MCM9: variants seen among roughly 807,000 people sequenced by gnomAD.
MCM9 encodes the protein minichromosome maintenance 9 homologous recombination repair factor, also known as DNA helicase MCM9.
MCM9 carries 55 observed loss-of-function variants against 72.8 expected under a neutral mutation model. That is an observed-to-expected ratio of 0.76 (90% CI 0.61 to 0.95). The LOEUF (loss-of-function observed/expected upper bound fraction) is 0.95. MCM9 is among the 40% of genes least tolerant of loss of function. The probability of loss-of-function intolerance (pLI) is 0.00; values close to 1 mark genes in which losing one functional copy is unlikely to be tolerated. For synonymous variants in MCM9, 480 were observed against 503.4 expected (o/e 0.95, Z 0.62); for missense variants, 1,279 against 1,377.0 (o/e 0.93, Z 1.13).
At chr6:118,878,441 A>G (rs1778078370) in intron 8 of MCM9, among the ~76,000 whole-genome samples, 1 of 152,242 alleles carries the variant, frequency 6.6e-6, no homozygotes, top group Non-Finnish European at 1.5e-5. Context: ...GAAAGACAGC[A>G]TAACTGTAAC....
Position 118,815,047 on chromosome 6 carries a change from T to C in MCM9, c.3209A>G (p.Lys1070Arg). The change falls in exon 14 of 14, where the codon AAA (lysine) becomes AGA (arginine). Residue 1070 changes from lysine to arginine, a missense_variant. Transcript: ENST00000619706. ...NFCFTPPSES[K>R]SKSPPPERKN... ...CCTTTCAGGAGGAGGGGATTTTGAT[T>C]TGGATTCCGATGGGGGAGTAAAGCA... The C allele has an allele frequency of 6.4e-7, 1 of 1,550,396 alleles. No individual in the cohort carries two copies. The highest frequency in any genetic ancestry group is 1.2e-5 in the South Asian group (1 of 84,020).
intron 8 of MCM9, among the ~76,000 whole-genome samples, chr6:118,898,016 A>G (rs1779552230): frequency 6.6e-6 from 1 of 152,174 alleles, no homozygotes; most frequent in South Asian, 2.1e-4. Flanking sequence ...CTGCAAATAA[A>G]TTCCCTTATT....
Position 118,907,951 on chromosome 6 carries a change from C to G in MCM9, c.1150+3699G>C, listed in dbSNP as rs565738786. 3.3e-5 allele frequency: 6 copies of G among 184,592 alleles called. No individual in the cohort carries two copies. In the South Asian group the frequency reaches 7.9e-4, roughly 24 times the overall value. The allele number at this position is 184,592 out of a possible 1,614,324, so 11.4% of individuals were successfully genotyped here. On this transcript the variant is annotated intron_variant, in intron 8 of 13. Transcript: ENST00000619706. Reference sequence around the variant, plus strand: ...TGTAAAGATGTCTTGGCCTCCCAGACAGTCTTTGGACCACTATTTTACTGG... The same window carrying G: ...TGTAAAGATGTCTTGGCCTCCCAGAGAGTCTTTGGACCACTATTTTACTGG...
intron 10 of MCM9, 79 bp from the exon 11 acceptor site, chr6:118,828,209 G>A: frequency 8.8e-7 from 1 of 1,138,542 alleles, no homozygotes; most frequent in South Asian, 1.6e-5. Flanking sequence ...TAAAGTTCTG[G>A]TACTCATTTG....
At chr6:118,835,259 A>G (rs988413716) in intron 9 of MCM9, among the ~76,000 whole-genome samples, 4 of 152,140 alleles carry the variant, frequency 2.6e-5, no homozygotes, top group African/African-American at 9.7e-5. Context: ...GTAGCCTTGT[A>G]GTCTAGTTTG....
At chr6:118,843,837 A>G (rs1775676886) in intron 9 of MCM9, among the ~76,000 whole-genome samples, 1 of 150,630 alleles carries the variant, frequency 6.6e-6, no homozygotes. Flanking sequence ...CTGCTTCACA[A>G]ATCAGCCAAA....
chr6:118,818,790 C>T (rs1455714898), intron 13 of MCM9, among the ~76,000 whole-genome samples: 1 of 152,138 alleles, frequency 6.6e-6, no homozygotes, highest in Non-Finnish European at 1.5e-5. Context: ...TGTTTGTATC[C>T]TCTCTTATTT....
intron 13 of MCM9, among the ~76,000 whole-genome samples, chr6:118,823,932 T>C (rs1396036573): frequency 6.6e-6 from 1 of 151,262 alleles, no homozygotes; most frequent in African/African-American, 2.4e-5. Context: ...AATAAAAACA[T>C]GCATTACCTT....
chr6:118,829,008 TC>T, intron 10 of MCM9, 39 bp downstream of exon 10: 1 of 1,529,542 alleles, frequency 6.5e-7, no homozygotes. Context: ...TTACAGCTAA[TC>T]TCTCTGTTAT....
At chr6:118,882,625 G>A (rs1179498057) in intron 8 of MCM9, among the ~76,000 whole-genome samples, 1 of 152,194 alleles carries the variant, frequency 6.6e-6, no homozygotes, top group Non-Finnish European at 1.5e-5. Flanking sequence ...TACCAGCCGA[G>A]TATGATACCA....
Position 118,856,425 on chromosome 6 carries a change from C to T in MCM9, c.1271G>A (p.Arg424Lys). The T allele has an allele frequency of 2.0e-6, 3 of 1,535,608 alleles. No homozygotes were observed. Among genetic ancestry groups the T allele is most frequent in the Non-Finnish European group, 2.6e-6 (3 of 1,146,866 alleles). Residue 424 changes from arginine (R) to lysine (K), a missense_variant, in exon 9 of 14, where the codon AGG (arginine) becomes AAG (lysine). By Grantham distance (26) the Arg-to-Lys change is conservative. Transcript: ENST00000619706. ...DEFNSLKEHD[R>K]TSIHEAMEQQ... ...CTCCATTGCTTCATGGATACTGGTC[C>T]TATCATGCTCTTTGAGGCTATTGAA...
chr6:118,891,796 T>C (rs1479602684), intron 8 of MCM9, among the ~76,000 whole-genome samples: 2 of 152,232 alleles, frequency 1.3e-5, no homozygotes, highest in Non-Finnish European at 2.9e-5. Context: ...TTAGGCTTTG[T>C]TCTGTTCATC....
intron 8 of MCM9, among the ~76,000 whole-genome samples, chr6:118,895,376 G>A (rs894024391): frequency 7.2e-5 from 11 of 152,196 alleles, no homozygotes; most frequent in Non-Finnish European, 1.3e-4. Flanking sequence ...GAGGTAGGAA[G>A]TTACATTTAA....
At position 118,871,086 on chromosome 6, in the gene MCM9, G is replaced by T. The variant is rs936577739; in HGVS notation, c.1151-14541C>A. On this transcript the variant is annotated intron_variant, in intron 8 of 13. Coordinates refer to ENST00000619706, the MANE Select transcript of MCM9 (RefSeq NM_017696.3). ...AAAAACTAGAGAGAAAGAGAATTCC[G>T]AACTCATCTTTTGAGGCCAATATCA... Among the ~76,000 whole-genome samples, 3 of 151,924 alleles carry T rather than the reference G, an allele frequency of 2.0e-5. No homozygotes were observed. The East Asian group carries it at 5.8e-4, about 29-fold the overall frequency.
At chr6:118,889,000 G>A (rs1778782325) in intron 8 of MCM9, among the ~76,000 whole-genome samples, 1 of 152,132 alleles carries the variant, frequency 6.6e-6, no homozygotes, top group Admixed American at 6.5e-5. Flanking sequence ...AATTGATTGT[G>A]ATGATGGTTG....
At chr6:118,854,662 T>C (rs958228542) in intron 9 of MCM9, among the ~76,000 whole-genome samples, 2 of 152,258 alleles carry the variant, frequency 1.3e-5, no homozygotes, top group Non-Finnish European at 2.9e-5. Flanking sequence ...CTCATGTAGG[T>C]TTTCATAGAT....
chr6:118,854,687 G>A (rs945477933), intron 9 of MCM9, among the ~76,000 whole-genome samples: 1 of 152,168 alleles, frequency 6.6e-6, no homozygotes, highest in African/African-American at 2.4e-5. Flanking sequence ...TTTAAACAGG[G>A]AAAGAAACTT....
At chr6:118,830,217 C>T (rs776433732) in intron 9 of MCM9, among the ~76,000 whole-genome samples, 2 of 152,138 alleles carry the variant, frequency 1.3e-5, no homozygotes, top group African/African-American at 2.4e-5. Flanking sequence ...GTATGCTGTG[C>T]ACTTGATGCC....
intron 8 of MCM9, among the ~76,000 whole-genome samples, chr6:118,864,606 G>A (rs1384401697): frequency 6.6e-6 from 1 of 152,030 alleles, no homozygotes; most frequent in African/African-American, 2.4e-5. Context: ...TGAGGCATAG[G>A]ACCCTGCCTT....
Sources: allele counts gnomAD v4.1 joint callset (sites outside exome capture counted in the v4.1 genomes callset), GRCh38; gene constraint gnomAD v4.1.1; transcripts MANE v1.5; gene names NCBI Gene and HGNC (gene_info 2026-07-23, HGNC 2026-07-21).